PCDH15: variants seen among roughly 807,000 people sequenced by gnomAD.
PCDH15 encodes the protein protocadherin-15.
Under a neutral mutation model 178.5 loss-of-function variants are expected in PCDH15, and 129 were observed. The ratio of observed to expected loss-of-function variants is 0.72; its 90% confidence interval spans 0.63 to 0.84. PCDH15 has a LOEUF of 0.84. Ranked by LOEUF, PCDH15 falls within the 40% of genes least tolerant of loss-of-function variation. The pLI is 0.00. For missense variants in PCDH15, 2,230 were observed against 2,099.9 expected, an observed-to-expected ratio of 1.06 and a Z score of -1.21; for synonymous variants, 800 against 732.0, an observed-to-expected ratio of 1.09 and a Z score of -1.50.
At chr10:55,006,984 G>T (rs181674636) in intron 2 of PCDH15, among the ~76,000 whole-genome samples, 4 of 152,138 alleles carry the variant, frequency 2.6e-5, no homozygotes, top group Middle Eastern at 3.4e-3. Context: ...ATTGAGTTCT[G>T]GTCATGTAAA....
At chr10:54,826,600 C>T (rs1021943823) in intron 3 of PCDH15, among the ~76,000 whole-genome samples, 4 of 151,652 alleles carry the variant, frequency 2.6e-5, no homozygotes, top group Admixed American at 6.6e-5. Flanking sequence ...AAATCTAATT[C>T]GACTTATAAT....
intron 18 of PCDH15, among the ~76,000 whole-genome samples, chr10:54,046,092 A>T (rs1771723583): frequency 6.6e-6 from 1 of 152,200 alleles, no homozygotes; most frequent in African/African-American, 2.4e-5. Context: ...ATATGAAAAG[A>T]TTCTCAATGC....
chr10:54,878,856 TG>T (rs1954203945), intron 3 of PCDH15, among the ~76,000 whole-genome samples: 1 of 152,086 alleles, frequency 6.6e-6, no homozygotes, highest in South Asian at 2.1e-4. Context: ...CAGTGTGTAT[TG>T]TTCCCCTCCA....
intron 2 of PCDH15, among the ~76,000 whole-genome samples, chr10:55,141,677 A>G (rs58529830): frequency 4.9e-4 from 75 of 152,220 alleles, no homozygotes; most frequent in African/African-American, 1.7e-3. Context: ...ATAATTTGAA[A>G]TAAGTACACC....
chr10:55,524,260 G>A (rs1841252200), intron 2 of PCDH15, among the ~76,000 whole-genome samples: 1 of 151,468 alleles, frequency 6.6e-6, no homozygotes, highest in African/African-American at 2.4e-5. Context: ...CAAGGTTTTT[G>A]AGTTCAGAAG....
chr10:55,571,216 GCTC>G (rs1190536900), intron 2 of PCDH15, among the ~76,000 whole-genome samples: 2 of 151,926 alleles, frequency 1.3e-5, no homozygotes, highest in African/African-American at 4.8e-5. Flanking sequence ...TGATGCACAG[GCTC>G]CCACTTTGCC....
chr10:53,909,879 A>T (rs2082948220), intron 25 of PCDH15, among the ~76,000 whole-genome samples: 1 of 152,210 alleles, frequency 6.6e-6, no homozygotes, highest in Admixed American at 6.5e-5. Flanking sequence ...AGTGAGTCCC[A>T]TGCCCACGAA....
chr10:54,116,610 C>T (rs1378798256), intron 15 of PCDH15, among the ~76,000 whole-genome samples: 1 of 152,152 alleles, frequency 6.6e-6, no homozygotes, highest in Non-Finnish European at 1.5e-5. Flanking sequence ...TCAATCAGAT[C>T]AGAGTCAGAG....
chr10:55,495,040 C>T (rs1041974643), intron 2 of PCDH15, among the ~76,000 whole-genome samples: 5 of 151,558 alleles, frequency 3.3e-5, no homozygotes, highest in Non-Finnish European at 4.4e-5. Flanking sequence ...CTAGTACAAC[C>T]GGATATGCAC....
intron 2 of PCDH15, among the ~76,000 whole-genome samples, chr10:55,449,170 C>A (rs190197320): frequency 1.5e-3 from 229 of 152,062 alleles, no homozygotes; most frequent in African/African-American, 5.0e-3. Context: ...AAAAATGTCA[C>A]CAATCACCTC....
intron 2 of PCDH15, among the ~76,000 whole-genome samples, chr10:55,555,678 T>A (rs1331702179): frequency 6.6e-6 from 1 of 152,130 alleles, no homozygotes; most frequent in African/African-American, 2.4e-5. Flanking sequence ...ATCTTTGAAC[T>A]TCTGCAATCT....
At chr10:54,768,738 A>G (rs1414648303) in intron 1 of PCDH15, among the ~76,000 whole-genome samples, 1 of 152,152 alleles carries the variant, frequency 6.6e-6, no homozygotes, top group Non-Finnish European at 1.5e-5. Flanking sequence ...ATTATCACAT[A>G]TAGCATGAAA....
At chr10:55,489,033 T>A (rs2132126101) in intron 2 of PCDH15, among the ~76,000 whole-genome samples, 1 of 151,674 alleles carries the variant, frequency 6.6e-6, no homozygotes, top group South Asian at 2.1e-4. Flanking sequence ...TCAAACTGAA[T>A]ATTATGATTT....
At chr10:55,448,161 A>G (rs1392729408) in intron 2 of PCDH15, among the ~76,000 whole-genome samples, 1 of 152,048 alleles carries the variant, frequency 6.6e-6, no homozygotes, top group Non-Finnish European at 1.5e-5. Flanking sequence ...TACAAAGTGA[A>G]AAAGGAGACA....
intron 26 of PCDH15, among the ~76,000 whole-genome samples, chr10:53,871,817 G>A (rs556734650): frequency 9.9e-4 from 150 of 151,668 alleles, no homozygotes; most frequent in African/African-American, 3.5e-3. Context: ...GCAATGGCTC[G>A]ATCTTGGCTC....
At chr10:54,328,203 CT>C (rs11475195) in intron 7 of PCDH15, among the ~76,000 whole-genome samples, 68,793 of 151,724 alleles carry the variant, frequency 0.45, 16,282 homozygotes, top group Middle Eastern at 0.6. Context: ...CCAGCTTTGC[CT>C]TTACCAGAAT....
chr10:55,363,661 AT>A (rs1845284677), intron 2 of PCDH15, among the ~76,000 whole-genome samples: 1 of 151,862 alleles, frequency 6.6e-6, no homozygotes, highest in Admixed American at 6.6e-5. Flanking sequence ...GGGGGACGGA[AT>A]TTCGCTCTTG....
chr10:55,135,111 T>C (rs1300553974), intron 2 of PCDH15, among the ~76,000 whole-genome samples: 1 of 152,180 alleles, frequency 6.6e-6, no homozygotes, highest in African/African-American at 2.4e-5. Flanking sequence ...TAAACAACCA[T>C]TGAGTTTCTT....
intron 2 of PCDH15, among the ~76,000 whole-genome samples, chr10:55,392,376 GTTA>G (rs1380850930): frequency 3.3e-5 from 5 of 152,200 alleles, no homozygotes; most frequent in African/African-American, 9.6e-5. Flanking sequence ...AACATTTTAT[GTTA>G]TTATGGTGCA....
Sources: allele counts gnomAD v4.1 joint callset (sites outside exome capture counted in the v4.1 genomes callset), GRCh38; gene constraint gnomAD v4.1.1; transcripts MANE v1.5; gene names NCBI Gene and HGNC (gene_info 2026-07-23, HGNC 2026-07-21).